Variants in RBBP8 observed in about 807,000 individuals in gnomAD.
The protein encoded by RBBP8 is RB binding protein 8, endonuclease.
Under a neutral mutation model 108.3 loss-of-function variants are expected in RBBP8, and 88 were observed. The ratio of observed to expected loss-of-function variants is 0.81; its 90% CI spans 0.68 to 0.97. The LOEUF (loss-of-function observed/expected upper bound fraction) is 0.97, where lower values mean the gene tolerates loss of function less well. Ranked by LOEUF, RBBP8 falls within the 50% of genes least tolerant of loss-of-function variation. The pLI is 0.00. For missense variants in RBBP8, 1,023 were observed against 1,049.0 expected (o/e 0.98, Z 0.34); for synonymous variants, 332 against 348.2 (o/e 0.95, Z 0.52).
intron 4 of RBBP8, among the ~76,000 whole-genome samples, chr18:22,955,787 C>T (rs1266742188): frequency 6.6e-6 from 1 of 151,820 alleles, no homozygotes; most frequent in East Asian, 1.9e-4. Flanking sequence ...TCACTGTGTT[C>T]GCCAGGATGG....
intron 6 of RBBP8, among the ~76,000 whole-genome samples, chr18:22,977,233 G>A (rs1914561449): frequency 1.3e-5 from 2 of 152,064 alleles, no homozygotes; most frequent in South Asian, 4.1e-4. Flanking sequence ...AAAAAAGCAA[G>A]TATCATCTTG....
chr18:22,936,548 A>C (rs1281687662), intron 1 of RBBP8, among the ~76,000 whole-genome samples: 1 of 152,198 alleles, frequency 6.6e-6, no homozygotes, highest in Admixed American at 6.5e-5. Flanking sequence ...AATTTACCTC[A>C]TATAGCCAAA....
chr18:22,996,946 T>C (rs2045870171), intron 13 of RBBP8, among the ~76,000 whole-genome samples: 1 of 152,146 alleles, frequency 6.6e-6, no homozygotes, highest in African/African-American at 2.4e-5. Context: ...TGCAGTGAGG[T>C]ATGATCACAC....
At chr18:22,928,037 C>G (rs1274767868) in intron 3 of RBBP8, among the ~76,000 whole-genome samples, 1 of 151,868 alleles carries the variant, frequency 6.6e-6, no homozygotes, top group Non-Finnish European at 1.5e-5. Flanking sequence ...GGCAAAACTC[C>G]GTCTCTACTA....
chr18:23,009,918 C>T (rs938928221), intron 16 of RBBP8, among the ~76,000 whole-genome samples: 5 of 152,172 alleles, frequency 3.3e-5, no homozygotes, highest in African/African-American at 7.2e-5. Context: ...TGCGCCACCA[C>T]GCGCAGCTAA....
Position 22,982,202 on chromosome 18 carries a change from T to C in RBBP8, c.429-16T>C, listed in dbSNP as rs199948715. 2.2e-4 allele frequency: 353 copies of C among 1,609,476 alleles called. 2 individuals are homozygous for C. The highest frequency in any genetic ancestry group is 4.0e-5 in the Non-Finnish European group (47 of 1,176,108). On this transcript the variant is annotated splice_polypyrimidine_tract_variant and intron_variant, in intron 6 of 18. Transcript: ENST00000327155. Reference sequence around the variant, plus strand: ...CTCATTGAATTGATTTTCTTTCCATTGTCATTCTTCTCTAGGAATGATCAA... The same window carrying C: ...CTCATTGAATTGATTTTCTTTCCATCGTCATTCTTCTCTAGGAATGATCAA...
chr18:22,961,853 TAG>T (rs1378509946), intron 4 of RBBP8, among the ~76,000 whole-genome samples: 1 of 152,190 alleles, frequency 6.6e-6, no homozygotes, highest in African/African-American at 2.4e-5. Context: ...TGATCATGGG[TAG>T]ACTTACAAAT....
intron 12 of RBBP8, among the ~76,000 whole-genome samples, chr18:22,994,101 A>G (rs1204317189): frequency 7.4e-6 from 1 of 134,680 alleles, no homozygotes; most frequent in Non-Finnish European, 1.5e-5. Flanking sequence ...GCTCACTGCA[A>G]GCTCCGCCTC....
chr18:22,959,975 T>C (rs1912942544), intron 4 of RBBP8, among the ~76,000 whole-genome samples: 1 of 146,512 alleles, frequency 6.8e-6, no homozygotes, highest in Non-Finnish European at 1.5e-5. Context: ...CACTGCAAGC[T>C]CCGCCTCCCA....
chr18:23,005,463 A>G (rs2046025871), intron 15 of RBBP8, among the ~76,000 whole-genome samples: 1 of 151,994 alleles, frequency 6.6e-6, no homozygotes, highest in African/African-American at 2.4e-5. Flanking sequence ...GCCAGGCTGG[A>G]GTGCAGTGGC....
At chr18:23,007,021 CTTT>C (rs540477870) in intron 16 of RBBP8, among the ~76,000 whole-genome samples, 4 of 134,768 alleles carry the variant, frequency 3.0e-5, no homozygotes, top group African/African-American at 2.7e-5. Flanking sequence ...GTGTGTATTT[CTTT>C]TTTTTTTTTT....
rs886053660 is a variant in RBBP8, at chr18:22,993,087, T to C, written c.1260T>C (p.Asn420=). 2.5e-6 allele frequency: 4 copies of C among 1,613,816 alleles called. No homozygotes were observed. Among genetic ancestry groups the C allele is most frequent in the East Asian group, 2.2e-5 (1 of 44,868 alleles). Residue 420 remains asparagine (N), a synonymous_variant, in exon 11 of 19, where the codon AAT becomes AAC. Coordinates refer to ENST00000327155, the MANE Select transcript of RBBP8 (RefSeq NM_002894.3). Reference sequence around the variant, plus strand: ...TAAGTGAATCCCTAGGTGAACAGAATAGGACTGAGTACGGTAAAGATTCTA... The same window carrying C: ...TAAGTGAATCCCTAGGTGAACAGAACAGGACTGAGTACGGTAAAGATTCTA... ...KNISESLGEQ[N]RTEYGKDSNT... is the part of the protein sequence containing the mutation.
intron 16 of RBBP8, among the ~76,000 whole-genome samples, chr18:23,013,438 G>C (rs1373581545): frequency 6.6e-6 from 1 of 152,144 alleles, no homozygotes; most frequent in Admixed American, 6.6e-5. Context: ...ACCAGCGCAG[G>C]TGAGCCCACC....
chr18:23,001,830 G>A (rs2045954098), intron 15 of RBBP8, 101 bp downstream of exon 15: 2 of 1,423,382 alleles, frequency 1.4e-6, no homozygotes, highest in Admixed American at 2.0e-5. Context: ...ATCAACAATT[G>A]AAGTTTCATA....
upstream of RBBP8, among the ~76,000 whole-genome samples, chr18:22,932,191 C>G (rs1307686520): frequency 6.6e-6 from 1 of 152,170 alleles, no homozygotes; most frequent in Non-Finnish European, 1.5e-5. Flanking sequence ...TCATTCTGCT[C>G]AGTTTTTCTT....
At chr18:22,989,839 AT>A (rs763924720) in intron 9 of RBBP8, among the ~76,000 whole-genome samples, 1 of 151,518 alleles carries the variant, frequency 6.6e-6, no homozygotes, top group Non-Finnish European at 1.5e-5. Flanking sequence ...TGCCTAGCTA[AT>A]TTTTTTTGTA....
rs550385932 is a variant in RBBP8 at position 22,933,423 on chromosome 18, G to A, written c.-240G>A. On this transcript the variant is annotated 5_prime_UTR_variant, in exon 1 of 19. Coordinates refer to ENST00000327155, the MANE Select transcript of RBBP8 (RefSeq NM_002894.3). ...CTTAAAGCGCGGGCTGTCCGGAGGGGTCGGCTTTCCCACCGAGGATTTGGC... is the reference window on the plus strand; with the variant it reads ...CTTAAAGCGCGGGCTGTCCGGAGGGATCGGCTTTCCCACCGAGGATTTGGC... The A allele has an allele frequency of 3.2e-5, 5 of 154,138 alleles. No homozygotes were observed. Among genetic ancestry groups the A allele is most frequent in the Non-Finnish European group, 5.9e-5 (4 of 68,198 alleles). 9.5% of individuals were successfully genotyped at this position (154,138 alleles called of 1,614,324 possible).
At chr18:22,982,814 A>G (rs1159239446) in intron 7 of RBBP8, among the ~76,000 whole-genome samples, 2 of 152,176 alleles carry the variant, frequency 1.3e-5, no homozygotes, top group Admixed American at 6.5e-5. Flanking sequence ...TGAGATAACT[A>G]TCAGCTCTTT....
chr18:22,993,953 C>A, intron 12 of RBBP8, 106 bp downstream of exon 12: 4 of 1,158,618 alleles, frequency 3.5e-6, no homozygotes, highest in Non-Finnish European at 3.7e-6. Context: ...AAACTTATTT[C>A]TTCCTTCAGG....
Sources: allele counts gnomAD v4.1 joint callset (sites outside exome capture counted in the v4.1 genomes callset), GRCh38; gene constraint gnomAD v4.1.1; transcripts MANE v1.5; gene names NCBI Gene and HGNC (gene_info 2026-07-23, HGNC 2026-07-21).